PTPRB: variants seen among roughly 807,000 people sequenced by gnomAD.
PTPRB encodes receptor-type tyrosine-protein phosphatase beta.
Under a neutral mutation model 238.1 loss-of-function variants are expected in PTPRB, and 97 were observed. That is an observed-to-expected ratio of 0.41 (90% CI 0.35 to 0.48). The LOEUF (loss-of-function observed/expected upper bound fraction) is 0.48. PTPRB is among the 20% of genes least tolerant of loss of function. PTPRB has a pLI of 0.30. For synonymous variants in PTPRB, 970 were observed against 995.4 expected (o/e 0.97, Z 0.48); for missense variants, 2,292 against 2,681.9 (o/e 0.85, Z 3.21).
chr12:70,553,572 C>T (rs1220754855), intron 20 of PTPRB, among the ~76,000 whole-genome samples: 1 of 152,094 alleles, frequency 6.6e-6, no homozygotes, highest in African/African-American at 2.4e-5. Context: ...TGGCCCCTTA[C>T]TCAGAGCACT....
chr12:70,607,491 G>A (rs1265583023), intron 4 of PTPRB, among the ~76,000 whole-genome samples: 2 of 151,534 alleles, frequency 1.3e-5, no homozygotes, highest in Non-Finnish European at 2.9e-5. Flanking sequence ...CTAATTATGT[G>A]GTCTATTTCA....
chr12:70,558,999 T>C, intron 18 of PTPRB: 1 of 411,622 alleles, frequency 2.4e-6, no homozygotes, highest in Admixed American at 4.0e-5. Flanking sequence ...GGTTTCTATT[T>C]GGATGTTTCC....
rs1390620139 is a variant in PTPRB at position 70,552,778 on chromosome 12, T to C, written c.5386A>G (p.Arg1796Gly). The part of the protein sequence containing the change: ...DGPLKPHTAY[R>G]ISIRAFTQLF... ...CAAAACAGTGGTAATATATCTAACC[T>C]GTAGGCAGTGTGTGGCTTCAGTGGT... Residue 1796 changes from arginine to glycine, a missense_variant and splice_region_variant, in exon 21 of 34, where the codon AGA becomes GGA. Arg to Gly is a moderately radical substitution (Grantham distance 125). This residue lies in a region of PTPRB where 7 missense variants were observed against 30.0 expected (regional missense o/e 0.23). Transcript: ENST00000334414. The C allele has an allele frequency of 1.2e-6, 2 of 1,613,846 alleles. No homozygotes were observed. The highest frequency in any genetic ancestry group is 1.7e-6 in the Non-Finnish European group (2 of 1,179,862).
At position 70,536,137 on chromosome 12, in the gene PTPRB, T is replaced by A; in HGVS notation, c.5969A>T (p.Tyr1990Phe). 6.2e-7 allele frequency: 1 copy of A among 1,613,670 alleles called. No individual in the cohort carries two copies. Among genetic ancestry groups the A allele is most frequent in the Non-Finnish European group, 8.5e-7 (1 of 1,179,722 alleles). ...YIPGNNFRREYIVTQGPLPGT... is the reference protein window; with the variant it reads ...YIPGNNFRREFIVTQGPLPGT... ...AGGAAGCGGTCCCTGAGTGACAATGTATTCTCTTCTGAAGTTGTTGCCCTG... is the reference window on the plus strand; with the variant it reads ...AGGAAGCGGTCCCTGAGTGACAATGAATTCTCTTCTGAAGTTGTTGCCCTG... Residue 1990 changes from tyrosine to phenylalanine, a missense_variant, in exon 29 of 34, where the codon TAC (tyrosine) becomes TTC (phenylalanine). By Grantham distance (22) the Tyr-to-Phe change is conservative. Around this residue, in one of 4 missense-constraint regions of PTPRB, gnomAD observed 397 missense variants for 502.0 expected, o/e 0.79. Coordinates refer to ENST00000334414, the MANE Select transcript of PTPRB (RefSeq NM_001109754.4).
chr12:70,584,140 AAC>A (rs1183258762), intron 9 of PTPRB, among the ~76,000 whole-genome samples: 3 of 152,316 alleles, frequency 2.0e-5, no homozygotes, highest in South Asian at 4.1e-4. Context: ...TAAAATTTAA[AAC>A]AGTGGGTAGA....
chr12:70,622,366 A>G lies in PTPRB; in HGVS notation c.708+24T>C. 1.9e-6 allele frequency: 3 copies of G among 1,609,028 alleles called. No homozygotes were observed. The East Asian group carries it at 6.7e-5, about 36-fold the overall frequency. ...GCCTCCTGAGACGTGCACAGACCACACTCCACACACCCCCTCCTTTTACCT... is the reference window on the plus strand; with the variant it reads ...GCCTCCTGAGACGTGCACAGACCACGCTCCACACACCCCCTCCTTTTACCT... On this transcript the variant is annotated intron_variant, in intron 3 of 33. Coordinates refer to ENST00000334414, the MANE Select transcript of PTPRB (RefSeq NM_001109754.4).
Position 70,556,151 on chromosome 12 carries a change from A to G in PTPRB, c.4715-3T>C, listed in dbSNP as rs1432959559. ...CAGGTTTTGTATCTTGTCAGGCTCTAAAGGAAACAGAGGAGGCAACACTTT... is the reference window on the plus strand; with the variant it reads ...CAGGTTTTGTATCTTGTCAGGCTCTGAAGGAAACAGAGGAGGCAACACTTT... On this transcript the variant is annotated splice_polypyrimidine_tract_variant and splice_region_variant and intron_variant, in intron 18 of 33. Coordinates refer to ENST00000334414, the MANE Select transcript of PTPRB (RefSeq NM_001109754.4). The G allele has an allele frequency of 6.2e-7, 1 of 1,611,258 alleles. No homozygotes were observed. The highest frequency in any genetic ancestry group is 1.1e-5 in the South Asian group (1 of 90,898).
At chr12:70,559,715 T>G in intron 17 of PTPRB, 91 bp from the exon 18 acceptor site, 1 of 1,225,426 alleles carries the variant, frequency 8.2e-7, no homozygotes, top group South Asian at 1.5e-5. Context: ...GACACACTTT[T>G]AATGTACTTT....
chr12:70,561,353 C>T (rs1878458518), intron 16 of PTPRB, among the ~76,000 whole-genome samples: 1 of 152,146 alleles, frequency 6.6e-6, no homozygotes, highest in Non-Finnish European at 1.5e-5. Flanking sequence ...CCTTTAGGTT[C>T]TCAGTTCTCT....
intron 8 of PTPRB, among the ~76,000 whole-genome samples, chr12:70,589,031 T>A (rs1230325452): frequency 6.6e-6 from 1 of 152,204 alleles, no homozygotes; most frequent in Non-Finnish European, 1.5e-5. Flanking sequence ...GAGCCCCTAA[T>A]GTTCTGTGAT....
intron 3 of PTPRB, among the ~76,000 whole-genome samples, chr12:70,610,875 C>G (rs1884406364): frequency 6.6e-6 from 1 of 151,932 alleles, no homozygotes; most frequent in Non-Finnish European, 1.5e-5. Flanking sequence ...TGATAGTCAG[C>G]TCTCCACAAG....
At chr12:70,529,945 GGGGAGTAGAGGAA>G (rs1872938403) in intron 32 of PTPRB, among the ~76,000 whole-genome samples, 1 of 108,894 alleles carries the variant, frequency 9.2e-6, no homozygotes, top group Non-Finnish European at 2.4e-5. Context: ...CAAAATCCAT[GGGGAGTAGAGGAA>G]AAATCCATGG....
chr12:70,630,900 T>G (rs1885421084), intron 2 of PTPRB, among the ~76,000 whole-genome samples: 1 of 152,098 alleles, frequency 6.6e-6, no homozygotes, highest in African/African-American at 2.4e-5. Flanking sequence ...CAAGGAGAAC[T>G]ACAAACCACT....
At chr12:70,589,447 G>A (rs759726317) in intron 8 of PTPRB, among the ~76,000 whole-genome samples, 4 of 152,196 alleles carry the variant, frequency 2.6e-5, no homozygotes, top group African/African-American at 7.2e-5. Flanking sequence ...ACTGAAACAT[G>A]AGTCTTGGTA....
rs770645708 is a variant in PTPRB at position 70,594,699 on chromosome 12, A to G, written c.1284T>C (p.Gly428=). The change falls in exon 6 of 34, where the codon GGT becomes GGC. Residue 428 remains glycine (G), a synonymous_variant. Transcript: ENST00000334414. ...GGAGAGAATTGGCTTTTGTGGAAAT[A>G]CCAATATCTTTCACTGGAGATGGCA... ...STVPSPVKDI[G]ISTKANSLLI... is the part of the protein sequence containing the mutation. 3 of 1,613,976 alleles carry G rather than the reference A, an allele frequency of 1.9e-6. No individual in the cohort carries two copies. In the Admixed American group the frequency reaches 5.0e-5, roughly 27 times the overall value.
intron 13 of PTPRB, among the ~76,000 whole-genome samples, chr12:70,570,339 T>G (rs1016133393): frequency 6.6e-5 from 10 of 152,104 alleles, no homozygotes; most frequent in African/African-American, 2.4e-4. Context: ...ATTGATTCTT[T>G]TTTAATTTAA....
At chr12:70,566,318 C>T (rs772592519) in intron 15 of PTPRB, 117 bp downstream of exon 15, 44 of 1,283,990 alleles carry the variant, frequency 3.4e-5, no homozygotes, top group African/African-American at 2.5e-4. Flanking sequence ...ATGTTCCCAG[C>T]GTATCAAGAG....
chr12:70,578,731 GT>G (rs1189821351), intron 10 of PTPRB, among the ~76,000 whole-genome samples: 2 of 152,154 alleles, frequency 1.3e-5, no homozygotes, highest in African/African-American at 2.4e-5. Flanking sequence ...GACTATTTTA[GT>G]AGCTCACAAT....
chr12:70,530,509 TAC>T (rs1367677546), intron 32 of PTPRB, among the ~76,000 whole-genome samples: 2 of 152,116 alleles, frequency 1.3e-5, no homozygotes, highest in African/African-American at 2.4e-5. Context: ...CATATATACA[TAC>T]ACACGTGTAC....
Sources: allele counts gnomAD v4.1 joint callset (sites outside exome capture counted in the v4.1 genomes callset), GRCh38; gene constraint gnomAD v4.1.1; regional missense constraint gnomAD v4.1.1; transcripts MANE v1.5; gene names NCBI Gene and HGNC (gene_info 2026-07-23, HGNC 2026-07-21).